Variants in GRIA2 observed in about 807,000 individuals in gnomAD.
GRIA2 encodes glutamate receptor 2.
GRIA2 carries 14 observed loss-of-function variants against 97.3 expected under a neutral mutation model. That is an observed-to-expected ratio of 0.14 (90% CI 0.10 to 0.23). The LOEUF is 0.23. Among genes scored for constraint, GRIA2 ranks in the 10% least tolerant of loss-of-function variants. The pLI, the probability that GRIA2 is intolerant of heterozygous loss-of-function variation, is 1.00. For missense variants in GRIA2, 558 were observed against 1,069.8 expected, an observed-to-expected ratio of 0.52 and a Z score of 6.67; for synonymous variants, 412 against 387.8, an observed-to-expected ratio of 1.06 and a Z score of -0.73.
intron 2 of GRIA2, among the ~76,000 whole-genome samples, chr4:157,275,406 C>T (rs1057282957): frequency 6.6e-6 from 1 of 152,116 alleles, no homozygotes; most frequent in Non-Finnish European, 1.5e-5. Context: ...GCTTTTGTTG[C>T]CATTGCTTTT....
chr4:157,345,151 T>C (rs1735714162), intron 12 of GRIA2, among the ~76,000 whole-genome samples: 1 of 152,090 alleles, frequency 6.6e-6, no homozygotes. Context: ...AGTATGTAAT[T>C]GTTGGAGAAG....
At chr4:157,334,270 A>T (rs1407430362) in intron 9 of GRIA2, 150 bp downstream of exon 9, 21 of 581,152 alleles carry the variant, frequency 3.6e-5, no homozygotes, top group Admixed American at 2.3e-4. Flanking sequence ...TGTTAAAAGG[A>T]ATACACAAGA....
At chr4:157,226,757 C>T (rs947376772) in intron 2 of GRIA2, among the ~76,000 whole-genome samples, 3 of 152,156 alleles carry the variant, frequency 2.0e-5, no homozygotes, top group Non-Finnish European at 2.9e-5. Context: ...TTTACTAACA[C>T]CTAGAGTTAC....
At position 157,277,892 on chromosome 4, in the gene GRIA2, A is replaced by G. The variant is rs189873330; in HGVS notation, c.230-25660A>G. Among the ~76,000 whole-genome samples, 149 of 73,006 alleles carry G rather than the reference A, an allele frequency of 2.0e-3. 1 individual carries two copies. Among genetic ancestry groups the G allele is most frequent in the Middle Eastern group, 6.6e-3 (1 of 152 alleles). 47.9% of individuals were successfully genotyped at this position (73,006 alleles called of 152,430 possible). ...TATATGTATATATATGTATATATGT[A>G]TATATATATGTATATATGTATATAT... On this transcript the variant is annotated intron_variant, in intron 2 of 15. Coordinates refer to ENST00000264426, the MANE Select transcript of GRIA2 (RefSeq NM_001083619.3).
chr4:157,316,130 G>A (rs1734308456), intron 4 of GRIA2, among the ~76,000 whole-genome samples: 1 of 152,186 alleles, frequency 6.6e-6, no homozygotes, highest in Non-Finnish European at 1.5e-5. Flanking sequence ...AGGAAGACAT[G>A]GATGATTCAG....
intron 2 of GRIA2, among the ~76,000 whole-genome samples, chr4:157,260,884 A>G (rs192965062): frequency 1.4e-3 from 212 of 149,260 alleles, no homozygotes; most frequent in Admixed American, 4.3e-3. Flanking sequence ...ACCTCACCTC[A>G]TTCCTGCTCC....
chr4:157,240,121 G>A (rs1285216998), intron 2 of GRIA2, among the ~76,000 whole-genome samples: 1 of 151,994 alleles, frequency 6.6e-6, no homozygotes, highest in Non-Finnish European at 1.5e-5. Flanking sequence ...TTTAAAACAA[G>A]TTTTAAAATA....
At chr4:157,279,610 C>A (rs1321393753) in intron 2 of GRIA2, among the ~76,000 whole-genome samples, 1 of 152,000 alleles carries the variant, frequency 6.6e-6, no homozygotes, top group Non-Finnish European at 1.5e-5. Flanking sequence ...TTGATGAGTG[C>A]CTCTATTTTT....
intron 12 of GRIA2, among the ~76,000 whole-genome samples, chr4:157,346,276 C>G (rs1156473350): frequency 6.6e-6 from 1 of 152,086 alleles, no homozygotes; most frequent in African/African-American, 2.4e-5. Flanking sequence ...ATTGCTATTT[C>G]ATTAAAGTCA....
Position 157,221,011 on chromosome 4 carries a change from G to T in GRIA2, c.-32G>T. ...AGAGGAGGAAAAGGAAAAAAAAAGG[G>T]GTATATTGTGGATGCTCTACTTTTC... On this transcript the variant is annotated 5_prime_UTR_variant, in exon 1 of 16. Coordinates refer to ENST00000264426, the MANE Select transcript of GRIA2 (RefSeq NM_001083619.3). 1 of 1,022,450 alleles carries T rather than the reference G, an allele frequency of 9.8e-7. No individual in the cohort carries two copies. Among genetic ancestry groups the T allele is most frequent in the South Asian group, 1.3e-5 (1 of 78,782 alleles). 63.3% of individuals were successfully genotyped at this position (1,022,450 alleles called of 1,614,324 possible). A position where few individuals can be genotyped will look rare whatever the true frequency, so the allele number is the denominator to read the frequency against.
chr4:157,280,330 T>C (rs1228953311), intron 2 of GRIA2, among the ~76,000 whole-genome samples: 1 of 151,956 alleles, frequency 6.6e-6, no homozygotes, highest in East Asian at 1.9e-4. Flanking sequence ...AGAATGAAAA[T>C]AGAACAAGCA....
chr4:157,304,248 C>T (rs572276918), intron 3 of GRIA2, among the ~76,000 whole-genome samples: 1 of 152,298 alleles, frequency 6.6e-6, no homozygotes, highest in Non-Finnish European at 1.5e-5. Flanking sequence ...ATTCCCGAAT[C>T]TCAGAGAAGT....
rs141366975 is a variant in GRIA2, at chr4:157,256,926, A to T, written c.229+35119A>T. On this transcript the variant is annotated intron_variant, in intron 2 of 15. Coordinates refer to ENST00000264426, the MANE Select transcript of GRIA2 (RefSeq NM_001083619.3). Reference sequence around the variant, plus strand: ...AATTGCTTGATTTATTTGCAGTACCATCATCTGTAAAATAGGATTAAATTA... The same window carrying T: ...AATTGCTTGATTTATTTGCAGTACCTTCATCTGTAAAATAGGATTAAATTA... Among the ~76,000 whole-genome samples the T allele has an allele frequency of 2.7e-3, 409 of 152,120 alleles. 4 individuals carry two copies. Among genetic ancestry groups the T allele is most frequent in the African/African-American group, 9.3e-3 (386 of 41,534 alleles).
chr4:157,340,892 G>T (rs1735518637), intron 11 of GRIA2, among the ~76,000 whole-genome samples: 2 of 152,048 alleles, frequency 1.3e-5, no homozygotes, highest in Middle Eastern at 3.4e-3. Context: ...TTGTTATGAG[G>T]TTTGCTGGTG....
At chr4:157,270,255 C>G (rs905861073) in intron 2 of GRIA2, among the ~76,000 whole-genome samples, 1 of 151,952 alleles carries the variant, frequency 6.6e-6, no homozygotes. Flanking sequence ...GTGTGTGTTC[C>G]GTGTAATGAC....
At chr4:157,323,845 C>A (rs769341228) in intron 6 of GRIA2, among the ~76,000 whole-genome samples, 21 of 152,122 alleles carry the variant, frequency 1.4e-4, no homozygotes, top group Non-Finnish European at 3.1e-4. Context: ...TTTCTTGCTC[C>A]CTTCCTGCTG....
At chr4:157,356,776 A>G (rs1736399422) in intron 12 of GRIA2, among the ~76,000 whole-genome samples, 1 of 152,134 alleles carries the variant, frequency 6.6e-6, no homozygotes, top group South Asian at 2.1e-4. Flanking sequence ...ATATATTATA[A>G]GAAATAAGTG....
intron 2 of GRIA2, among the ~76,000 whole-genome samples, chr4:157,264,830 CAACT>C (rs1193097315): frequency 6.6e-6 from 1 of 151,990 alleles, no homozygotes; most frequent in Non-Finnish European, 1.5e-5. Flanking sequence ...TAAATAATAA[CAACT>C]AACATTCTCT....
chr4:157,315,025 C>G (rs1410213284), intron 4 of GRIA2, among the ~76,000 whole-genome samples: 1 of 152,152 alleles, frequency 6.6e-6, no homozygotes, highest in Non-Finnish European at 1.5e-5. Context: ...GAGAAAGAAC[C>G]TTTCTTAAAA....
Sources: allele counts gnomAD v4.1 joint callset (sites outside exome capture counted in the v4.1 genomes callset), GRCh38; gene constraint gnomAD v4.1.1; transcripts MANE v1.5; gene names NCBI Gene and HGNC (gene_info 2026-07-23, HGNC 2026-07-21).